The following SFMBT2 variants were observed in gnomAD, a reference collection of about 807,000 sequenced individuals.
SFMBT2 encodes scm-like with four MBT domains protein 2.
SFMBT2 carries 38 observed loss-of-function variants against 110.1 expected under a neutral mutation model. The observed-to-expected ratio is 0.35, with a 90% CI of 0.27 to 0.45. SFMBT2 has a LOEUF of 0.45. Ranked by LOEUF, SFMBT2 falls within the 20% of genes least tolerant of loss-of-function variation. The pLI is 1.00. For synonymous variants in SFMBT2, 425 were observed against 425.4 expected (o/e 1.00, Z 0.01); for missense variants, 1,011 against 1,094.9 (o/e 0.92, Z 1.08).
intron 13 of SFMBT2, 86 bp from the exon 14 acceptor site, chr10:7,200,570 G>A: frequency 9.1e-7 from 1 of 1,099,516 alleles, no homozygotes. Context: ...AATTTAAAAG[G>A]GCTCTTCCAG....
intron 12 of SFMBT2, chr10:7,202,955 C>T (rs895825075): frequency 9.1e-6 from 9 of 985,286 alleles, no homozygotes; most frequent in Non-Finnish European, 1.1e-5. Context: ...TGCATTTCAA[C>T]TAAAACATGT....
intron 16 of SFMBT2, among the ~76,000 whole-genome samples, chr10:7,179,400 A>C (rs1447955339): frequency 1.3e-5 from 2 of 150,468 alleles, no homozygotes; most frequent in African/African-American, 2.4e-5. Context: ...CGAAAAAAAA[A>C]AAAAAAAAAA....
chr10:7,382,730 T>C (rs1363176953), intron 1 of SFMBT2, among the ~76,000 whole-genome samples: 6 of 152,230 alleles, frequency 3.9e-5, no homozygotes, highest in African/African-American at 9.7e-5. Flanking sequence ...CATGATCTGT[T>C]ACCAAAACCA....
At chr10:7,219,852 C>T (rs7091347) in intron 11 of SFMBT2, 55,673 of 202,962 alleles carry the variant, frequency 0.27, 8,096 homozygotes, top group South Asian at 0.4. Context: ...ATTCTGTTCA[C>T]AAAATACAGC....
intron 4 of SFMBT2, among the ~76,000 whole-genome samples, chr10:7,364,339 G>C (rs1212731797): frequency 6.6e-6 from 1 of 152,108 alleles, no homozygotes; most frequent in East Asian, 1.9e-4. Flanking sequence ...CCTTTTTCCA[G>C]GGTGTTCTCA....
In SFMBT2 at chr10:7,176,034, TCA is replaced by T. The variant is rs1838043275; in HGVS notation, c.1938_1939del (p.Glu647LysfsTer73). The T allele has an allele frequency of 3.7e-6, 6 of 1,614,224 alleles. No individual in the cohort carries two copies. Among genetic ancestry groups the T allele is most frequent in the Non-Finnish European group, 5.1e-6 (6 of 1,180,040 alleles). On this transcript the variant is annotated frameshift_variant, in exon 17 of 21. Transcript: ENST00000397167. LOFTEE classifies it high-confidence loss of function. Reference sequence around the variant, plus strand: ...AATGGAGCAGTTCTCTGGGCAGTTTTCAGATATCAGCACAGGACTAAACAAAT... The same window carrying T: ...AATGGAGCAGTTCTCTGGGCAGTTTTGATATCAGCACAGGACTAAACAAAT...
chr10:7,262,209 T>A (rs1841228027), intron 7 of SFMBT2, among the ~76,000 whole-genome samples: 1 of 152,188 alleles, frequency 6.6e-6, no homozygotes. Context: ...TGGCCTAACT[T>A]GCAAAAGGAT....
chr10:7,325,094 A>G (rs1843339082), intron 4 of SFMBT2, among the ~76,000 whole-genome samples: 1 of 150,796 alleles, frequency 6.6e-6, no homozygotes, highest in African/African-American at 2.4e-5. Context: ...CAGCCTCTCG[A>G]GTAGCTGGGA....
At chr10:7,392,298 T>G (rs192730687) in intron 1 of SFMBT2, among the ~76,000 whole-genome samples, 1 of 152,304 alleles carries the variant, frequency 6.6e-6, no homozygotes, top group African/African-American at 2.4e-5. Flanking sequence ...GCGGATCACT[T>G]GAGCTCAGGA....
At chr10:7,379,588 G>A (rs570629970) in intron 2 of SFMBT2, among the ~76,000 whole-genome samples, 21 of 152,154 alleles carry the variant, frequency 1.4e-4, no homozygotes, top group African/African-American at 4.6e-4. Context: ...TCTCCTCACC[G>A]CACAAGTAAA....
chr10:7,396,238 G>A (rs559734296), intron 1 of SFMBT2, among the ~76,000 whole-genome samples: 1 of 152,356 alleles, frequency 6.6e-6, no homozygotes, highest in Non-Finnish European at 1.5e-5. Context: ...GACAGAGCGA[G>A]ACTGTCTCAA....
chr10:7,164,915 T>A (rs750367872), intron 20 of SFMBT2, among the ~76,000 whole-genome samples: 1 of 152,182 alleles, frequency 6.6e-6, no homozygotes, highest in Non-Finnish European at 1.5e-5. Flanking sequence ...ATTCAATGAA[T>A]GTTCAGTTGA....
At chr10:7,360,085 T>C (rs929654909) in intron 4 of SFMBT2, among the ~76,000 whole-genome samples, 2 of 152,158 alleles carry the variant, frequency 1.3e-5, no homozygotes, top group Non-Finnish European at 2.9e-5. Flanking sequence ...CCACAGGAGG[T>C]GCACACAAAA....
intron 11 of SFMBT2, among the ~76,000 whole-genome samples, chr10:7,219,410 G>A (rs189134984): frequency 6.6e-6 from 1 of 152,304 alleles, no homozygotes; most frequent in Non-Finnish European, 1.5e-5. Flanking sequence ...ACACAATGAT[G>A]TCAGCCACAA....
rs1370349852 is a variant in SFMBT2 at position 7,220,446 on chromosome 10, C to T, written c.1295G>A (p.Ser432Asn). 6.2e-7 allele frequency: 1 copy of T among 1,614,086 alleles called. No homozygotes were observed. The highest frequency in any genetic ancestry group is 8.5e-7 in the Non-Finnish European group (1 of 1,179,958). ...PGELCVASVV[S>N]VKGRLMWLHL... ...AAGCCACATTAGCCGCCCCTTCACA[C>T]TCACAACGGAGGCCACACACAGTTC... is the stretch of plus-strand genomic sequence containing the variant. Residue 432 changes from serine (S) to asparagine (N), a missense_variant, in exon 11 of 21, where the codon AGT becomes AAT. Physicochemically the swap from Ser to Asn is conservative, Grantham distance 46. This residue lies in a region of SFMBT2 where 979 missense variants were observed against 1,016.1 expected (regional missense o/e 0.96). Transcript: ENST00000397167.
intron 16 of SFMBT2, among the ~76,000 whole-genome samples, chr10:7,185,080 A>G (rs1210517651): frequency 6.6e-6 from 1 of 152,090 alleles, no homozygotes; most frequent in Admixed American, 6.6e-5. Flanking sequence ...AGTAATGGGA[A>G]CTCTGCAACA....
chr10:7,202,394 T>C (rs1588797902), intron 13 of SFMBT2, 86 bp downstream of exon 13: 4 of 1,552,160 alleles, frequency 2.6e-6, no homozygotes, highest in African/African-American at 2.7e-5. Context: ...ATAACTCCAA[T>C]AAAAACAGCC....
chr10:7,312,415 A>G (rs374987987), intron 4 of SFMBT2, among the ~76,000 whole-genome samples: 1 of 152,202 alleles, frequency 6.6e-6, no homozygotes, highest in African/African-American at 2.4e-5. Context: ...ACAAGACAGA[A>G]GTAAAGCACA....
Position 7,227,933 on chromosome 10 carries a change from G to A in SFMBT2, c.1125C>T (p.Tyr375=). The A allele has an allele frequency of 6.3e-7, 1 of 1,587,262 alleles. No individual in the cohort carries two copies. The highest frequency in any genetic ancestry group is 8.5e-7 in the Non-Finnish European group (1 of 1,171,324). ...CTGCCCAGTCGAAGTCCTGGCCAGA[G>A]TAACCTGGGAATGACAAAACACAGA... is the stretch of plus-strand genomic sequence containing the variant. ...NGVSLTPPKG[Y]SGQDFDWADY... is the part of the protein sequence containing the mutation. Residue 375 remains tyrosine, a synonymous_variant, in exon 10 of 21, where the codon TAC becomes TAT. Transcript: ENST00000397167.
Sources: gnomAD v4.1 joint callset for allele counts (sites outside exome capture counted in the v4.1 genomes callset) on GRCh38, gnomAD v4.1.1 for gene constraint, gnomAD v4.1.1 regional missense constraint, MANE v1.5 for transcripts, NCBI Gene and HGNC (gene_info 2026-07-23, HGNC 2026-07-21) for gene names.